Variants in PCSK2 observed in about 807,000 individuals in gnomAD.
PCSK2 encodes the protein neuroendocrine convertase 2.
PCSK2 carries 14 observed loss-of-function variants against 69.7 expected under a neutral mutation model. The observed-to-expected ratio is 0.20, with a 90% CI of 0.13 to 0.31. The LOEUF (loss-of-function observed/expected upper bound fraction) is 0.31, where lower values mean the gene tolerates loss of function less well. Ranked by LOEUF, PCSK2 falls within the 10% of genes least tolerant of loss-of-function variation. The probability of loss-of-function intolerance (pLI) is 1.00; values close to 1 mark genes in which losing one functional copy is unlikely to be tolerated. For synonymous variants in PCSK2, 307 were observed against 320.7 expected (o/e 0.96, Z 0.46); for missense variants, 544 against 842.5 (o/e 0.65, Z 4.39).
intron 2 of PCSK2, among the ~76,000 whole-genome samples, chr20:17,270,914 T>G (rs1028534412): frequency 6.6e-6 from 1 of 152,092 alleles, no homozygotes; most frequent in Non-Finnish European, 1.5e-5. Flanking sequence ...CCCCCAGTCT[T>G]CAGTTCTCTT....
chr20:17,298,880 T>C (rs535286242), intron 2 of PCSK2, among the ~76,000 whole-genome samples: 1 of 152,268 alleles, frequency 6.6e-6, no homozygotes, highest in African/African-American at 2.4e-5. Context: ...CCTCATATAT[T>C]TGCACATGTT....
At chr20:17,335,517 G>A (rs1329892504) in intron 2 of PCSK2, among the ~76,000 whole-genome samples, 1 of 145,986 alleles carries the variant, frequency 6.8e-6, no homozygotes, top group Non-Finnish European at 1.5e-5. Flanking sequence ...ATTTCAGTAG[G>A]TTTTGGGGAA....
intron 2 of PCSK2, among the ~76,000 whole-genome samples, chr20:17,261,165 G>A (rs930751139): frequency 1.3e-5 from 2 of 152,110 alleles, no homozygotes; most frequent in African/African-American, 4.8e-5. Flanking sequence ...TCTGATTTCT[G>A]TTACAAGAAT....
chr20:17,455,637 G>A (rs1233852762), intron 9 of PCSK2, among the ~76,000 whole-genome samples: 2 of 152,188 alleles, frequency 1.3e-5, no homozygotes, highest in East Asian at 1.9e-4. Context: ...CTGATGAAGT[G>A]GCCTTTGGCC....
chr20:17,362,158 C>T (rs1352760177), intron 4 of PCSK2, among the ~76,000 whole-genome samples: 1 of 152,196 alleles, frequency 6.6e-6, no homozygotes, highest in Admixed American at 6.5e-5. Flanking sequence ...TTGACTGACT[C>T]CTAAAGTCAT....
chr20:17,396,616 TTA>T (rs1425392446), intron 5 of PCSK2, among the ~76,000 whole-genome samples: 1 of 147,078 alleles, frequency 6.8e-6, no homozygotes, highest in Non-Finnish European at 1.5e-5. Flanking sequence ...CAAAGTCAAC[TTA>T]TTTTTTTTTT....
intron 1 of PCSK2, among the ~76,000 whole-genome samples, chr20:17,256,362 T>C (rs908920145): frequency 2.0e-5 from 3 of 152,158 alleles, no homozygotes; most frequent in Non-Finnish European, 2.9e-5. Flanking sequence ...TTTATAGTTA[T>C]ATAGTTTAGT....
At chr20:17,390,585 G>A (rs1429229842) in intron 5 of PCSK2, among the ~76,000 whole-genome samples, 1 of 152,108 alleles carries the variant, frequency 6.6e-6, no homozygotes, top group African/African-American at 2.4e-5. Flanking sequence ...AGGCATAAAC[G>A]AAGATGATAG....
intron 2 of PCSK2, among the ~76,000 whole-genome samples, chr20:17,295,558 T>A (rs1401839271): frequency 4.7e-5 from 7 of 148,042 alleles, no homozygotes; most frequent in African/African-American, 1.5e-4. Context: ...ATATATTTAT[T>A]TATTTATTTA....
At chr20:17,384,425 CAAAAAAAAAAA>C (rs11478291) in intron 5 of PCSK2, among the ~76,000 whole-genome samples, 4 of 106,534 alleles carry the variant, frequency 3.8e-5, no homozygotes, top group African/African-American at 1.2e-4. Context: ...CCATATCTAC[CAAAAAAAAAAA>C]AAAAAAAAAT....
At chr20:17,441,993 T>G in intron 8 of PCSK2, among the ~76,000 whole-genome samples, 1 of 147,292 alleles carries the variant, frequency 6.8e-6, no homozygotes, top group African/African-American at 2.5e-5. Context: ...TAATCCAATA[T>G]GATTGGTGTC....
chr20:17,432,762 A>C (rs965908537), intron 7 of PCSK2, among the ~76,000 whole-genome samples: 3 of 152,244 alleles, frequency 2.0e-5, no homozygotes, highest in African/African-American at 7.2e-5. Context: ...GACCACATCA[A>C]GGAGTCGTAA....
intron 1 of PCSK2, among the ~76,000 whole-genome samples, chr20:17,241,348 G>A (rs1367966318): frequency 6.6e-6 from 1 of 152,178 alleles, no homozygotes; most frequent in African/African-American, 2.4e-5. Context: ...GTGACCTGGG[G>A]TCAGTTCATG....
intron 2 of PCSK2, among the ~76,000 whole-genome samples, chr20:17,345,300 T>C (rs1420139272): frequency 6.6e-6 from 1 of 152,238 alleles, no homozygotes; most frequent in Non-Finnish European, 1.5e-5. Flanking sequence ...ATTATAATTA[T>C]AGCCAGTGAC....
At chr20:17,425,919 C>T (rs966386246) in intron 6 of PCSK2, among the ~76,000 whole-genome samples, 5 of 152,220 alleles carry the variant, frequency 3.3e-5, no homozygotes, top group Middle Eastern at 6.8e-3. Context: ...AGTCACATGG[C>T]CACATACAAG....
chr20:17,429,602 C>T (rs1245425438), intron 7 of PCSK2, 79 bp downstream of exon 7: 1 of 918,900 alleles, frequency 1.1e-6, no homozygotes, highest in Middle Eastern at 3.2e-4. Context: ...AGCAAAAAAT[C>T]CCACTGGTGC....
intron 2 of PCSK2, among the ~76,000 whole-genome samples, chr20:17,327,655 G>A (rs529739801): frequency 6.6e-6 from 1 of 152,196 alleles, no homozygotes; most frequent in African/African-American, 2.4e-5. Context: ...CGAAGTCACC[G>A]AGCAGCTGCT....
chr20:17,229,029 TC>T (rs894208772), intron 1 of PCSK2, among the ~76,000 whole-genome samples: 3 of 150,968 alleles, frequency 2.0e-5, no homozygotes, highest in Admixed American at 6.6e-5. Flanking sequence ...CCTTCTTCAC[TC>T]CCCCCCACCC....
chr20:17,352,308 C>T (rs117167647), intron 2 of PCSK2, among the ~76,000 whole-genome samples: 1,914 of 152,188 alleles, frequency 0.013, 14 homozygotes, highest in East Asian at 0.035. Context: ...GCTTTTCCTA[C>T]CAAACTACCA....
Sources: allele counts gnomAD v4.1 joint callset (sites outside exome capture counted in the v4.1 genomes callset), GRCh38; gene constraint gnomAD v4.1.1; transcripts MANE v1.5; gene names NCBI Gene and HGNC (gene_info 2026-07-23, HGNC 2026-07-21).